CHCHD6: variants seen among roughly 807,000 people sequenced by gnomAD.
The protein encoded by CHCHD6 is coiled-coil-helix-coiled-coil-helix domain containing 6, also known as MICOS complex subunit MIC25.
In CHCHD6, 28 loss-of-function variants were observed where a neutral mutation model predicts 32.3. The ratio of observed to expected loss-of-function variants is 0.87; its 90% CI spans 0.64 to 1.19. CHCHD6 has a LOEUF of 1.19. Ranked by LOEUF, CHCHD6 falls within the 50% of genes most tolerant of loss-of-function variation. CHCHD6 has a pLI of 0.00. For synonymous variants in CHCHD6, 122 were observed against 117.5 expected (o/e 1.04, Z -0.25); for missense variants, 333 against 307.0 (o/e 1.08, Z -0.63).
intron 4 of CHCHD6, among the ~76,000 whole-genome samples, chr3:126,752,769 T>G (rs1048068308): frequency 5.3e-5 from 8 of 152,196 alleles, no homozygotes; most frequent in Admixed American, 2.0e-4. Context: ...CGCTTTTCTC[T>G]CACCCTGTTC....
chr3:126,746,527 G>A (rs548574601), intron 4 of CHCHD6, among the ~76,000 whole-genome samples: 64 of 152,226 alleles, frequency 4.2e-4, no homozygotes, highest in Non-Finnish European at 8.2e-4. Context: ...GGCAGGATCC[G>A]CCCAAGAGCC....
At chr3:126,823,447 TA>T (rs1940237285) in intron 4 of CHCHD6, among the ~76,000 whole-genome samples, 1 of 152,220 alleles carries the variant, frequency 6.6e-6, no homozygotes, top group Admixed American at 6.5e-5. Context: ...TGATCTTAGA[TA>T]TTTTTTGTTA....
intron 6 of CHCHD6, among the ~76,000 whole-genome samples, chr3:126,953,684 T>A (rs779058978): frequency 1.3e-5 from 2 of 152,188 alleles, no homozygotes; most frequent in Non-Finnish European, 2.9e-5. Flanking sequence ...GGGCATTGTC[T>A]TTGATGCCTG....
At chr3:126,957,702 C>A in intron 7 of CHCHD6, 151 bp downstream of exon 7, 1 of 963,552 alleles carries the variant, frequency 1.0e-6, no homozygotes, top group Non-Finnish European at 1.6e-6. Context: ...AGGGATTCTT[C>A]GCTTTCCTCA....
At chr3:126,734,660 C>A (rs1209362642) in intron 4 of CHCHD6, among the ~76,000 whole-genome samples, 1 of 152,142 alleles carries the variant, frequency 6.6e-6, no homozygotes, top group Non-Finnish European at 1.5e-5. Context: ...AGATTGGTTA[C>A]AGTAGTTGTT....
chr3:126,846,830 TTG>T (rs1333619179), intron 4 of CHCHD6, among the ~76,000 whole-genome samples: 1 of 152,134 alleles, frequency 6.6e-6, no homozygotes, highest in Admixed American at 6.5e-5. Flanking sequence ...GTACACGTGT[TTG>T]TGTGTGTGTA....
chr3:126,767,767 G>A (rs937408516), intron 4 of CHCHD6, among the ~76,000 whole-genome samples: 29 of 152,084 alleles, frequency 1.9e-4, no homozygotes, highest in African/African-American at 6.5e-4. Context: ...CCTCAAGTAG[G>A]CCCCAGTGTC....
chr3:126,918,441 C>A (rs1297647309), intron 6 of CHCHD6, among the ~76,000 whole-genome samples: 1 of 152,230 alleles, frequency 6.6e-6, no homozygotes, highest in African/African-American at 2.4e-5. Flanking sequence ...CAGCTGCAGT[C>A]CCTGCCAGCA....
At chr3:126,892,687 C>T (rs149979618) in intron 5 of CHCHD6, among the ~76,000 whole-genome samples, 368 of 152,342 alleles carry the variant, frequency 2.4e-3, no homozygotes, top group African/African-American at 8.4e-3. Context: ...CCCTTACTCT[C>T]ATTTCCATAT....
At position 126,852,973 on chromosome 3, in the gene CHCHD6, G is replaced by T. The variant is rs576519928; in HGVS notation, c.495+243G>T. ...GTCTCCCCCTGCCCCACCTTTTTTT[G>T]TTGAATGTGGCTGGCTCTACGGTAG... On this transcript the variant is annotated intron_variant, in intron 5 of 7. Transcript: ENST00000290913. 3.3e-5 allele frequency among the ~76,000 whole-genome samples: 5 copies of T among 151,816 alleles called. No homozygotes were observed. The East Asian group carries it at 7.8e-4, about 24-fold the overall frequency.
chr3:126,904,490 C>T (rs575298287), intron 5 of CHCHD6, among the ~76,000 whole-genome samples: 6 of 152,292 alleles, frequency 3.9e-5, no homozygotes, highest in East Asian at 1.9e-4. Context: ...AAAGCCTGTG[C>T]GGCTATTGCT....
rs934304805 is a variant in CHCHD6 at position 126,925,112 on chromosome 3, CTTAGGAA to C, written c.566+10368_566+10374del. 2.0e-5 allele frequency among the ~76,000 whole-genome samples: 3 copies of C among 152,304 alleles called. No individual in the cohort carries two copies. In the East Asian group the frequency reaches 5.8e-4, roughly 29 times the overall value. ...TGAACCTTTACTGGAGTAAATGAAA[CTTAGGAA>C]TTAGGCAGTGGTTTTCTGCTCCTCA... On this transcript the variant is annotated intron_variant, in intron 6 of 7. Coordinates refer to ENST00000290913, the MANE Select transcript of CHCHD6 (RefSeq NM_032343.3).
intron 6 of CHCHD6, among the ~76,000 whole-genome samples, chr3:126,952,714 A>T (rs2078732064): frequency 6.6e-6 from 1 of 152,132 alleles, no homozygotes; most frequent in Non-Finnish European, 1.5e-5. Context: ...GCTTTTCCAT[A>T]TTTTGAGAGA....
chr3:126,857,516 T>C lies in CHCHD6; in HGVS notation c.495+4786T>C, dbSNP rs146176671. ...ACTTTCTTAAGAGAAGACCATCATC[T>C]GATCCCGAGAGCCCTGCTGTTTTCT... On this transcript the variant is annotated intron_variant, in intron 5 of 7. Coordinates refer to ENST00000290913, the MANE Select transcript of CHCHD6 (RefSeq NM_032343.3). 3.7e-3 allele frequency among the ~76,000 whole-genome samples: 566 copies of C among 152,298 alleles called. 1 individual carries two copies. Among genetic ancestry groups the C allele is most frequent in the Non-Finnish European group, 6.6e-3 (448 of 68,024 alleles).
intron 5 of CHCHD6, among the ~76,000 whole-genome samples, chr3:126,912,804 G>A (rs61211376): frequency 0.031 from 4,734 of 152,344 alleles, 163 homozygotes; most frequent in East Asian, 0.16. Flanking sequence ...TGCAGCAGGG[G>A]AGTCCTTGGG....
intron 4 of CHCHD6, among the ~76,000 whole-genome samples, chr3:126,792,738 T>G (rs1559846888): frequency 6.6e-6 from 1 of 152,250 alleles, no homozygotes; most frequent in Non-Finnish European, 1.5e-5. Flanking sequence ...TGTGAAGTGT[T>G]CTGTAAATGT....
At chr3:126,732,599 C>G (rs1282259350) in intron 3 of CHCHD6, among the ~76,000 whole-genome samples, 1 of 152,186 alleles carries the variant, frequency 6.6e-6, no homozygotes, top group Non-Finnish European at 1.5e-5. Context: ...TTAAGAGCAT[C>G]TCAGCACTAA....
chr3:126,888,374 CAT>C (rs2077706616), intron 5 of CHCHD6, among the ~76,000 whole-genome samples: 1 of 152,234 alleles, frequency 6.6e-6, no homozygotes, highest in Non-Finnish European at 1.5e-5. Context: ...CCTCTTGAAA[CAT>C]ATTCTGTTAT....
intron 4 of CHCHD6, among the ~76,000 whole-genome samples, chr3:126,844,406 T>C (rs139427276): frequency 6.6e-6 from 1 of 152,372 alleles, no homozygotes; most frequent in Non-Finnish European, 1.5e-5. Flanking sequence ...TAAGTACCTA[T>C]ACATTTAGAA....
Sources: allele counts gnomAD v4.1 joint callset (sites outside exome capture counted in the v4.1 genomes callset), GRCh38; gene constraint gnomAD v4.1.1; transcripts MANE v1.5; gene names NCBI Gene and HGNC (gene_info 2026-07-23, HGNC 2026-07-21).